Variants in TRHDE observed in about 807,000 individuals in gnomAD.
TRHDE encodes the protein thyrotropin releasing hormone degrading enzyme.
A neutral mutation model predicts 125.7 loss-of-function variants in TRHDE; 72 were observed. The ratio of observed to expected loss-of-function variants is 0.57; its 90% CI spans 0.47 to 0.70. The LOEUF (loss-of-function observed/expected upper bound fraction) is 0.70, where lower values mean the gene tolerates loss of function less well. Ranked by LOEUF, TRHDE falls within the 30% of genes least tolerant of loss-of-function variation. The pLI is 0.00. For synonymous variants in TRHDE, 509 were observed against 509.1 expected (o/e 1.00, Z 0.00); for missense variants, 1,110 against 1,327.1 (o/e 0.84, Z 2.54).
intron 12 of TRHDE, among the ~76,000 whole-genome samples, chr12:72,579,817 T>C (rs937744190): frequency 4.6e-4 from 70 of 152,286 alleles, no homozygotes; most frequent in African/African-American, 1.6e-3. Context: ...GTGCCAATTA[T>C]TTCAATCCTA....
intron 2 of TRHDE, among the ~76,000 whole-genome samples, chr12:72,159,488 T>C (rs946098098): frequency 2.6e-5 from 4 of 152,242 alleles, no homozygotes; most frequent in African/African-American, 9.6e-5. Flanking sequence ...GATGACATGA[T>C]TCTTCTTCTT....
intron 2 of TRHDE, among the ~76,000 whole-genome samples, chr12:72,355,734 G>T (rs1024727616): frequency 6.6e-6 from 1 of 151,596 alleles, no homozygotes; most frequent in African/African-American, 2.4e-5. Flanking sequence ...TTAAAAAGAG[G>T]GCATAGAACA....
intron 12 of TRHDE, among the ~76,000 whole-genome samples, chr12:72,596,552 A>AT (rs1871948796): frequency 6.6e-6 from 1 of 152,196 alleles, no homozygotes; most frequent in Admixed American, 6.5e-5. Flanking sequence ...GTCTAAAATA[A>AT]TATTGGGTGG....
At chr12:72,454,862 C>G (rs1027271378) in intron 3 of TRHDE, among the ~76,000 whole-genome samples, 1 of 152,144 alleles carries the variant, frequency 6.6e-6, no homozygotes, top group Non-Finnish European at 1.5e-5. Flanking sequence ...AGTTTTCTCC[C>G]TAAACACAGA....
At chr12:72,586,329 G>A (rs913631403) in intron 12 of TRHDE, among the ~76,000 whole-genome samples, 5 of 152,180 alleles carry the variant, frequency 3.3e-5, no homozygotes, top group Non-Finnish European at 7.3e-5. Flanking sequence ...CTTTGTTTAT[G>A]TGGGAAATCG....
intron 2 of TRHDE, among the ~76,000 whole-genome samples, chr12:72,149,642 T>C (rs898664477): frequency 6.6e-6 from 1 of 152,090 alleles, no homozygotes; most frequent in Non-Finnish European, 1.5e-5. Context: ...ATGTTTATTG[T>C]AAACAACTAA....
At chr12:72,302,392 C>A (rs574726388) in intron 2 of TRHDE, among the ~76,000 whole-genome samples, 1 of 151,908 alleles carries the variant, frequency 6.6e-6, no homozygotes, top group Non-Finnish European at 1.5e-5. Context: ...CCTAATGGAA[C>A]TTCATAAAAA....
chr12:72,118,252 T>A (rs180978620), intron 2 of TRHDE, among the ~76,000 whole-genome samples: 3 of 152,250 alleles, frequency 2.0e-5, no homozygotes, highest in Admixed American at 6.5e-5. Flanking sequence ...AGTTTTTTTT[T>A]AAATCATGAA....
intron 3 of TRHDE, among the ~76,000 whole-genome samples, chr12:72,381,278 A>G (rs1033365052): frequency 2.4e-4 from 36 of 152,336 alleles, no homozygotes; most frequent in African/African-American, 8.2e-4. Context: ...TGTGACAACC[A>G]GATAAGAGGC....
intron 2 of TRHDE, among the ~76,000 whole-genome samples, chr12:72,346,204 G>T (rs148670074): frequency 5.3e-5 from 8 of 152,162 alleles, no homozygotes; most frequent in South Asian, 2.1e-4. Context: ...GCAAACTACC[G>T]TTTGGGCTAT....
At chr12:72,542,794 A>C (rs772385868) in intron 7 of TRHDE, among the ~76,000 whole-genome samples, 1 of 151,302 alleles carries the variant, frequency 6.6e-6, no homozygotes, top group Non-Finnish European at 1.5e-5. Context: ...TGATATACAT[A>C]GATTATTTGT....
chr12:72,398,057 C>T (rs879438564), intron 3 of TRHDE, among the ~76,000 whole-genome samples: 266 of 130,696 alleles, frequency 2.0e-3, no homozygotes, highest in Non-Finnish European at 3.4e-3. Flanking sequence ...TTGTTCAATT[C>T]CCACCTATGA....
intron 4 of TRHDE, among the ~76,000 whole-genome samples, 175 bp downstream of exon 4, chr12:72,470,087 A>G (rs1337348715): frequency 6.6e-6 from 1 of 152,252 alleles, no homozygotes; most frequent in East Asian, 1.9e-4. Context: ...GAATAAACAA[A>G]AACAAACACA....
At chr12:72,351,535 C>T (rs1870581066) in intron 2 of TRHDE, among the ~76,000 whole-genome samples, 1 of 151,898 alleles carries the variant, frequency 6.6e-6, no homozygotes. Flanking sequence ...GCATTTGTTG[C>T]ATCTCTCCTT....
intron 2 of TRHDE, among the ~76,000 whole-genome samples, chr12:72,209,709 T>C (rs1193487486): frequency 2.6e-5 from 4 of 152,226 alleles, no homozygotes; most frequent in Non-Finnish European, 5.9e-5. Context: ...TTCAACTTGG[T>C]AAGAGGTGGA....
chr12:72,429,476 G>A lies in TRHDE; in HGVS notation c.1316-40282G>A, dbSNP rs564478831. ...CTACTTTCTGGCTATTATGAATAAT[G>A]CTGCTATGAATATTCATGTACGTGT... is the stretch of plus-strand genomic sequence containing the variant. On this transcript the variant is annotated intron_variant, in intron 3 of 18. Coordinates refer to ENST00000261180, the MANE Select transcript of TRHDE (RefSeq NM_013381.3). Among the ~76,000 whole-genome samples the A allele has an allele frequency of 7.2e-5, 11 of 151,934 alleles. 1 individual carries two copies. Among genetic ancestry groups the A allele is most frequent in the Middle Eastern group, 6.9e-3 (2 of 288 alleles).
In TRHDE at chr12:72,378,153, G is replaced by C. The variant is rs367544799; in HGVS notation, c.1315+32G>C. 3.9e-4 allele frequency: 601 copies of C among 1,541,962 alleles called. 2 individuals carry two copies. Among genetic ancestry groups the C allele is most frequent in the Admixed American group, 1.6e-3 (77 of 47,054 alleles). On this transcript the variant is annotated intron_variant, in intron 3 of 18. Coordinates refer to ENST00000261180, the MANE Select transcript of TRHDE (RefSeq NM_013381.3). ...ATTTTCTTGGTTATTTTATTGGAAG[G>C]GCTCCTTGAAAGTGGAATTTCTTCT...
chr12:72,124,237 G>A (rs1412203163), intron 2 of TRHDE, among the ~76,000 whole-genome samples: 3 of 152,136 alleles, frequency 2.0e-5, no homozygotes, highest in Non-Finnish European at 2.9e-5. Context: ...AATGTTCAAT[G>A]AATTTATTCA....
At chr12:72,657,809 T>C (rs1422869595) in intron 18 of TRHDE, among the ~76,000 whole-genome samples, 1 of 152,154 alleles carries the variant, frequency 6.6e-6, no homozygotes. Flanking sequence ...CTCTTTTAAT[T>C]GATTACAATG....
Sources: gnomAD v4.1 joint callset for allele counts (sites outside exome capture counted in the v4.1 genomes callset) on GRCh38, gnomAD v4.1.1 for gene constraint, MANE v1.5 for transcripts, NCBI Gene and HGNC (gene_info 2026-07-23, HGNC 2026-07-21) for gene names.